Variants in TEK observed in about 807,000 individuals in gnomAD.
The protein encoded by TEK is TEK receptor tyrosine kinase, also known as angiopoietin-1 receptor.
A neutral mutation model predicts 131.8 loss-of-function variants in TEK; 43 were observed. That is an observed-to-expected ratio of 0.33 (90% CI 0.26 to 0.42). The LOEUF is 0.42. Among genes scored for constraint, TEK ranks in the 10% least tolerant of loss-of-function variants. The pLI, the probability that TEK is intolerant of heterozygous loss-of-function variation, is 1.00. For synonymous variants in TEK, 580 were observed against 491.6 expected (o/e 1.18, Z -2.38); for missense variants, 1,162 against 1,384.4 (o/e 0.84, Z 2.55).
Position 27,220,164 on chromosome 9 carries a change from T to C in TEK, c.3200+19T>C. 1.2e-6 allele frequency: 2 copies of C among 1,612,536 alleles called. No individual in the cohort carries two copies. Among genetic ancestry groups the C allele is most frequent in the African/African-American group, 1.3e-5 (1 of 75,022 alleles). ...ATGAGGTGTAAGTCAGGCCTCATCC[T>C]GGGGCTATTTTGTCTTACCTTCCCC... On this transcript the variant is annotated intron_variant, in intron 21 of 22. Transcript: ENST00000380036.
At position 27,137,396 on chromosome 9, in the gene TEK, C is replaced by T. The variant is rs1822503295; in HGVS notation, c.53-20435C>T. Among the ~76,000 whole-genome samples the T allele has an allele frequency of 2.0e-5, 3 of 152,222 alleles. No individual in the cohort carries two copies. The South Asian group carries it at 6.2e-4, about 32-fold the overall frequency. On this transcript the variant is annotated intron_variant, in intron 1 of 22. Transcript: ENST00000380036. Reference sequence around the variant, plus strand: ...TTTATTTGGGATTTTTGATTTTTCACATGTAAGGAGTAGTTTTCTTTTTTC... The same window carrying T: ...TTTATTTGGGATTTTTGATTTTTCATATGTAAGGAGTAGTTTTCTTTTTTC...
intron 6 of TEK, among the ~76,000 whole-genome samples, chr9:27,174,042 A>C (rs2131151951): frequency 6.6e-6 from 1 of 152,278 alleles, no homozygotes; most frequent in East Asian, 1.9e-4. Flanking sequence ...AAGTAGTACT[A>C]ACATCATCTA....
At chr9:27,152,684 A>T (rs13285984) in intron 1 of TEK, among the ~76,000 whole-genome samples, 28,688 of 150,518 alleles carry the variant, frequency 0.19, 2,992 homozygotes, top group Admixed American at 0.24. Flanking sequence ...TGTTGATTTC[A>T]CCTCTTCCAC....
chr9:27,219,959 C>T, intron 20 of TEK, 90 bp from the exon 21 acceptor site: 2 of 1,343,768 alleles, frequency 1.5e-6, no homozygotes, highest in Non-Finnish European at 2.1e-6. Flanking sequence ...ACCATGTCTT[C>T]CTCCTGGCCC....
At chr9:27,150,765 G>A (rs1823097197) in intron 1 of TEK, among the ~76,000 whole-genome samples, 1 of 152,210 alleles carries the variant, frequency 6.6e-6, no homozygotes, top group Non-Finnish European at 1.5e-5. Context: ...GTCTCGTTGT[G>A]TGGATGCTCT....
In TEK at chr9:27,169,637, A is replaced by T; in HGVS notation, c.628+8A>T. On this transcript the variant is annotated splice_region_variant and intron_variant, in intron 4 of 22. Transcript: ENST00000380036. The stretch of plus-strand genomic sequence containing the variant: ...CCAGGCTGATAGTCCGGAGTAAGTG[A>T]TGGAGAGGCCACCATTTGTGATGGT... 1 of 1,613,964 alleles carries T rather than the reference A, an allele frequency of 6.2e-7. No individual in the cohort carries two copies. The highest frequency in any genetic ancestry group is 2.2e-5 in the East Asian group (1 of 44,876).
intron 21 of TEK, among the ~76,000 whole-genome samples, chr9:27,226,027 T>C (rs10967785): frequency 0.15 from 23,133 of 152,150 alleles, 1,934 homozygotes; most frequent in Admixed American, 0.21. Flanking sequence ...AAAACCACAA[T>C]GAGATGCCAT....
At chr9:27,136,388 A>G (rs973290972) in intron 1 of TEK, among the ~76,000 whole-genome samples, 1 of 152,098 alleles carries the variant, frequency 6.6e-6, no homozygotes, top group Non-Finnish European at 1.5e-5. Context: ...CCCTACTTAC[A>G]TTCTTGTAGT....
intron 15 of TEK, among the ~76,000 whole-genome samples, chr9:27,208,233 C>G (rs1415416179): frequency 6.6e-6 from 1 of 152,182 alleles, no homozygotes; most frequent in Non-Finnish European, 1.5e-5. Context: ...GAACAGAGCA[C>G]TTGACTTATG....
intron 18 of TEK, among the ~76,000 whole-genome samples, chr9:27,214,677 C>G (rs367916057): frequency 7.9e-5 from 12 of 152,292 alleles, no homozygotes; most frequent in Admixed American, 5.9e-4. Flanking sequence ...TATTGCCTTT[C>G]ACAGCATACA....
At chr9:27,159,682 C>A in intron 2 of TEK, among the ~76,000 whole-genome samples, 1 of 152,182 alleles carries the variant, frequency 6.6e-6, no homozygotes, top group Admixed American at 6.5e-5. Context: ...AATCTTTAGA[C>A]CAGTCCACCT....
intron 1 of TEK, among the ~76,000 whole-genome samples, chr9:27,141,746 T>C (rs551275400): frequency 1.3e-5 from 2 of 152,284 alleles, no homozygotes; most frequent in African/African-American, 4.8e-5. Flanking sequence ...AAATCTGAGG[T>C]CCGGACTTCA....
intron 1 of TEK, among the ~76,000 whole-genome samples, chr9:27,149,414 T>C (rs1412626605): frequency 6.6e-6 from 1 of 152,208 alleles, no homozygotes; most frequent in Non-Finnish European, 1.5e-5. Context: ...TGGACAATGT[T>C]TGTAAAGCAC....
chr9:27,151,747 G>A (rs1823134961), intron 1 of TEK, among the ~76,000 whole-genome samples: 1 of 152,164 alleles, frequency 6.6e-6, no homozygotes, highest in Admixed American at 6.6e-5. Context: ...TGTCTCCAGG[G>A]CCAAGTGCAG....
intron 2 of TEK, among the ~76,000 whole-genome samples, chr9:27,166,139 A>C (rs1823723189): frequency 6.6e-6 from 1 of 152,226 alleles, no homozygotes; most frequent in Non-Finnish European, 1.5e-5. Context: ...TCCTGGTCTG[A>C]ATCTTTATAG....
At chr9:27,157,726 A>G in intron 1 of TEK, 105 bp from the exon 2 acceptor site, 1 of 1,337,944 alleles carries the variant, frequency 7.5e-7, no homozygotes, top group South Asian at 1.2e-5. Context: ...CATTTTAGAA[A>G]GAATCCTCAC....
Position 27,109,301 on chromosome 9 carries a change from G to A in TEK, c.-290G>A. 1.8e-6 allele frequency: 1 copy of A among 555,460 alleles called. No homozygotes were observed. The highest frequency in any genetic ancestry group is 3.1e-6 in the Non-Finnish European group (1 of 317,802). 34.4% of individuals were successfully genotyped at this position (555,460 alleles called of 1,614,324 possible). A position where few individuals can be genotyped will look rare whatever the true frequency, so the allele number is the denominator to read the frequency against. ...TAAGTGTTTTGATGAATTGCGAGAT[G>A]GATAGGGCTTGAGTGCCCCCAGCCC... On this transcript the variant is annotated 5_prime_UTR_variant, in exon 1 of 23. An upstream start codon of the reference 5' UTR is lost. Coordinates refer to ENST00000380036, the MANE Select transcript of TEK (RefSeq NM_000459.5).
At chr9:27,124,809 A>G (rs1314258969) in intron 1 of TEK, among the ~76,000 whole-genome samples, 1 of 152,182 alleles carries the variant, frequency 6.6e-6, no homozygotes, top group Non-Finnish European at 1.5e-5. Flanking sequence ...AACACAAAGA[A>G]AATTAGTGAC....
At chr9:27,204,687 T>C (rs950062088) in intron 13 of TEK, among the ~76,000 whole-genome samples, 4 of 146,942 alleles carry the variant, frequency 2.7e-5, no homozygotes, top group South Asian at 2.1e-4. Context: ...AACAGCACTT[T>C]TGCATGTTTT....
Sources: gnomAD v4.1 joint callset for allele counts (sites outside exome capture counted in the v4.1 genomes callset) on GRCh38, gnomAD v4.1.1 for gene constraint, MANE v1.5 for transcripts, NCBI Gene and HGNC (gene_info 2026-07-23, HGNC 2026-07-21) for gene names.